FANCC: variants seen among roughly 807,000 people sequenced by gnomAD.
FANCC encodes Fanconi anemia group C protein.
A neutral mutation model predicts 71.3 loss-of-function variants in FANCC; 55 were observed. The ratio of observed to expected loss-of-function variants is 0.77; its 90% confidence interval spans 0.62 to 0.97. The LOEUF is 0.97. FANCC is among the 50% of genes least tolerant of loss of function. The pLI, the probability that FANCC is intolerant of heterozygous loss-of-function variation, is 0.00. For synonymous variants in FANCC, 275 were observed against 244.9 expected (o/e 1.12, Z -1.15); for missense variants, 678 against 670.9 (o/e 1.01, Z -0.12).
intron 1 of FANCC, among the ~76,000 whole-genome samples, chr9:95,302,064 AGAGT>A (rs1332192570): frequency 7.1e-6 from 1 of 141,824 alleles, no homozygotes; most frequent in Admixed American, 7.4e-5. Context: ...CCTGGGAGAC[AGAGT>A]GAGACTCCAT....
At chr9:95,195,988 T>A (rs985006152) in intron 4 of FANCC, among the ~76,000 whole-genome samples, 17 of 152,248 alleles carry the variant, frequency 1.1e-4, no homozygotes, top group Non-Finnish European at 2.4e-4. Flanking sequence ...GATTTATCAA[T>A]TCTAACAATT....
intron 1 of FANCC, among the ~76,000 whole-genome samples, chr9:95,280,505 T>C (rs1472707926): frequency 6.6e-6 from 1 of 152,158 alleles, no homozygotes; most frequent in Admixed American, 6.5e-5. Flanking sequence ...TCTAAACAGA[T>C]CATATGCTAG....
intron 7 of FANCC, among the ~76,000 whole-genome samples, chr9:95,149,408 A>G (rs899332447): frequency 6.6e-6 from 1 of 152,188 alleles, no homozygotes; most frequent in African/African-American, 2.4e-5. Flanking sequence ...CTATGTAACA[A>G]ACCTTCACAT....
At chr9:95,299,313 T>C (rs749590042) in intron 1 of FANCC, among the ~76,000 whole-genome samples, 4 of 152,354 alleles carry the variant, frequency 2.6e-5, no homozygotes, top group Middle Eastern at 3.4e-3. Context: ...AAGAACATAT[T>C]ATTTTAAGAA....
intron 4 of FANCC, among the ~76,000 whole-genome samples, chr9:95,179,808 C>A (rs1406520859): frequency 6.6e-6 from 1 of 152,194 alleles, no homozygotes; most frequent in Non-Finnish European, 1.5e-5. Flanking sequence ...GCAGAAATAG[C>A]ACATGATGAG....
chr9:95,250,640 T>A (rs912548890), intron 1 of FANCC, among the ~76,000 whole-genome samples: 1 of 152,242 alleles, frequency 6.6e-6, no homozygotes, highest in Non-Finnish European at 1.5e-5. Context: ...ATCTAGATAA[T>A]GTCCATGCCT....
At chr9:95,102,856 C>T (rs1588012588) in intron 14 of FANCC, among the ~76,000 whole-genome samples, 4 of 152,330 alleles carry the variant, frequency 2.6e-5, no homozygotes, top group Admixed American at 6.5e-5. Context: ...TGGACCATGA[C>T]GTTCGCTCTC....
At position 95,099,344 on chromosome 9, in the gene FANCC, G is replaced by A. The variant is rs564611460; in HGVS notation, c.*2363C>T. Reference sequence around the variant, plus strand: ...GAAGACCTTGGTCCAGTTCCTTCCAGGGTGGCTTCACGCCTTGCCATCCCT... The same window carrying A: ...GAAGACCTTGGTCCAGTTCCTTCCAAGGTGGCTTCACGCCTTGCCATCCCT... On this transcript the variant is annotated 3_prime_UTR_variant, in exon 15 of 15. Transcript: ENST00000289081. The A allele has an allele frequency of 1.3e-5, 3 of 227,872 alleles. No individual in the cohort carries two copies. The East Asian group carries it at 1.9e-4, about 14-fold the overall frequency. The allele number at this position is 227,872 out of a possible 1,614,324, so 14.1% of individuals were successfully genotyped here.
At chr9:95,125,852 C>A (rs1258429539) in intron 9 of FANCC, among the ~76,000 whole-genome samples, 2 of 152,156 alleles carry the variant, frequency 1.3e-5, no homozygotes, top group Non-Finnish European at 2.9e-5. Context: ...GGAAGAGGGG[C>A]TGGGACACTC....
At chr9:95,171,032 G>GA in intron 6 of FANCC, 47 bp downstream of exon 6, 1 of 1,466,368 alleles carries the variant, frequency 6.8e-7, no homozygotes, top group African/African-American at 1.4e-5. Context: ...TAACCAAACT[G>GA]ATACATTTTG....
At chr9:95,212,489 C>T (rs1479549274) in intron 4 of FANCC, among the ~76,000 whole-genome samples, 2 of 151,948 alleles carry the variant, frequency 1.3e-5, no homozygotes, top group African/African-American at 4.8e-5. Context: ...AAAAACCTGT[C>T]GAATTAGAAA....
chr9:95,144,728 C>T (rs898505504), intron 7 of FANCC, among the ~76,000 whole-genome samples: 1 of 152,180 alleles, frequency 6.6e-6, no homozygotes, highest in Non-Finnish European at 1.5e-5. Flanking sequence ...GTTAAATATT[C>T]TTTGTAAGTA....
chr9:95,105,044 G>T (rs1292768529), intron 14 of FANCC, among the ~76,000 whole-genome samples: 1 of 152,198 alleles, frequency 6.6e-6, no homozygotes, highest in Non-Finnish European at 1.5e-5. Context: ...ATAGATTCTC[G>T]AAAGCATTCT....
At chr9:95,281,405 T>G (rs1199252629) in intron 1 of FANCC, among the ~76,000 whole-genome samples, 1 of 151,796 alleles carries the variant, frequency 6.6e-6, no homozygotes, top group East Asian at 1.9e-4. Flanking sequence ...AAAAAAAAAT[T>G]AAAACTATCA....
chr9:95,199,521 C>G (rs1361264608), intron 4 of FANCC, among the ~76,000 whole-genome samples: 1 of 152,202 alleles, frequency 6.6e-6, no homozygotes, highest in Admixed American at 6.5e-5. Flanking sequence ...ACTAGCCACC[C>G]TTCTCCCAGG....
At chr9:95,235,844 CAAAAA>C (rs10666439) in intron 4 of FANCC, among the ~76,000 whole-genome samples, 1 of 36,222 alleles carries the variant, frequency 2.8e-5, no homozygotes, top group African/African-American at 1.2e-4. Flanking sequence ...AACTCCACCT[CAAAAA>C]AAAAAAAAAA....
At position 95,101,357 on chromosome 9, in the gene FANCC, TAAATAATAGATG is replaced by T. The variant is rs1250031913; in HGVS notation, c.*338_*349del. ...TCTTGGTTCTAAGACTTTGAATTTT[TAAATAATAGATG>T]TGCAGCTTGACTTGGGTAAAAACTA... On this transcript the variant is annotated 3_prime_UTR_variant, in exon 15 of 15. Transcript: ENST00000289081. The T allele has an allele frequency of 1.3e-5, 5 of 390,224 alleles. No homozygotes were observed. The highest frequency in any genetic ancestry group is 1.9e-5 in the Non-Finnish European group (4 of 210,702). The allele number at this position is 390,224 out of a possible 1,614,324, so 24.2% of individuals were successfully genotyped here.
intron 4 of FANCC, among the ~76,000 whole-genome samples, chr9:95,221,847 C>T (rs1186660546): frequency 6.6e-6 from 1 of 152,076 alleles, no homozygotes; most frequent in African/African-American, 2.4e-5. Context: ...AAGATAAAAA[C>T]AGACTGATAA....
intron 6 of FANCC, among the ~76,000 whole-genome samples, chr9:95,156,571 A>T (rs1012809173): frequency 3.9e-5 from 6 of 152,178 alleles, no homozygotes; most frequent in Admixed American, 3.9e-4. Flanking sequence ...GAATTTAAAA[A>T]GCAATTTGAT....
Sources: allele counts gnomAD v4.1 joint callset (sites outside exome capture counted in the v4.1 genomes callset), GRCh38; gene constraint gnomAD v4.1.1; transcripts MANE v1.5; gene names NCBI Gene and HGNC (gene_info 2026-07-23, HGNC 2026-07-21).